Variants in CCDC51 observed in about 807,000 individuals in gnomAD.
CCDC51 encodes the protein coiled-coil domain containing 51.
CCDC51 carries 25 observed loss-of-function variants against 24.8 expected under a neutral mutation model. The observed-to-expected ratio is 1.01, with a 90% confidence interval of 0.73 to 1.41. The LOEUF (loss-of-function observed/expected upper bound fraction) is 1.41. Ranked by LOEUF, CCDC51 falls within the 40% of genes most tolerant of loss-of-function variation. The pLI is 0.00. For missense variants in CCDC51, 466 were observed against 519.1 expected (o/e 0.90, Z 0.99); for synonymous variants, 190 against 204.3 (o/e 0.93, Z 0.60).
chr3:48,444,577 T>C (rs1349058212), upstream of CCDC51, among the ~76,000 whole-genome samples: 1 of 152,216 alleles, frequency 6.6e-6, no homozygotes, highest in East Asian at 1.9e-4. Context: ...CTGACCAGAA[T>C]TTGTGCTTTT....
Position 48,433,214 on chromosome 3 carries a change from C to T in CCDC51, c.478-48G>A, listed in dbSNP as rs1170663988. On this transcript the variant is annotated intron_variant, in intron 3 of 3. Coordinates refer to ENST00000395694, the MANE Select transcript of CCDC51 (RefSeq NM_001256964.2). This position sits in a 1 kb window ranked among gnomAD's most constrained non-coding sequence, Gnocchi z 4.4. ...TTGGATTACATGGGCACAAGGTGGCCCTGCAGCTATAGCCACCAGCAGATG... is the reference window on the plus strand; with the variant it reads ...TTGGATTACATGGGCACAAGGTGGCTCTGCAGCTATAGCCACCAGCAGATG... 1.3e-6 allele frequency: 2 copies of T among 1,571,090 alleles called. No individual in the cohort carries two copies. Among genetic ancestry groups the T allele is most frequent in the Non-Finnish European group, 1.7e-6 (2 of 1,154,438 alleles).
upstream of CCDC51, chr3:48,440,475 AGGCACTGGCGGGTGCGGG>A (rs760096856): frequency 6.2e-7 from 1 of 1,610,808 alleles, no homozygotes. Flanking sequence ...GCGGGCGCGG[AGGCACTGGCGGGTGCGGG>A]GGCGCTGGGA....
At chr3:48,438,263 C>T (rs772207975) in intron 1 of CCDC51, 1 of 152,016 alleles carries the variant, frequency 6.6e-6, no homozygotes, top group Non-Finnish European at 1.5e-5. Flanking sequence ...AATAAAACCA[C>T]TGAATTGTAC....
rs200464374 is a variant in CCDC51, at chr3:48,434,842, C to A, written c.287G>T (p.Arg96Leu). The change falls in exon 2 of 4, where the codon CGA (arginine) becomes CTA (leucine). Residue 96 changes from arginine (R) to leucine (L), a missense_variant. By Grantham distance (102) the Arg-to-Leu change is moderately radical. Coordinates refer to ENST00000395694, the MANE Select transcript of CCDC51 (RefSeq NM_001256964.2). ...YEEFVGLNEV[R>L]EAQGKVTEAE... The stretch of plus-strand genomic sequence containing the variant: ...CTCTGTCACCTTTCCCTGGGCCTCT[C>A]GAACCTCGTTGAGTCCAACAAACTC... 5 of 1,607,582 alleles carry A rather than the reference C, an allele frequency of 3.1e-6. No individual in the cohort carries two copies. Among genetic ancestry groups the A allele is most frequent in the Middle Eastern group, 1.7e-4 (1 of 6,040 alleles).
chr3:48,439,626 C>G (rs577017021), intron 1 of CCDC51, among the ~76,000 whole-genome samples: 28 of 152,048 alleles, frequency 1.8e-4, no homozygotes, highest in African/African-American at 6.8e-4. Flanking sequence ...GAGCAAGACT[C>G]CATCTCGGGG....
chr3:48,443,640 T>C (rs547089732), upstream of CCDC51, among the ~76,000 whole-genome samples: 1 of 112,472 alleles, frequency 8.9e-6, no homozygotes, highest in South Asian at 2.8e-4. Context: ...TCTAGACCAG[T>C]GCACAGCCAG....
At chr3:48,436,187 C>A (rs746530571) in intron 1 of CCDC51, among the ~76,000 whole-genome samples, 2 of 152,138 alleles carry the variant, frequency 1.3e-5, no homozygotes, top group Admixed American at 6.5e-5. Context: ...GCTGTGAGAG[C>A]GACACCTGGT....
Position 48,433,993 on chromosome 3 carries a change from C to T in CCDC51, c.313-122G>A, listed in dbSNP as rs1197549426. 19 of 1,475,472 alleles carry T rather than the reference C, an allele frequency of 1.3e-5. No homozygotes were observed. The highest frequency in any genetic ancestry group is 1.6e-5 in the Non-Finnish European group (18 of 1,118,066). 91.4% of individuals were successfully genotyped at this position (1,475,472 alleles called of 1,614,324 possible). ...GGGTGTGAGCTGCAAAGGGTGGAAACGGAATTCCTTAGACACTAATCCTGG... is the reference window on the plus strand; with the variant it reads ...GGGTGTGAGCTGCAAAGGGTGGAAATGGAATTCCTTAGACACTAATCCTGG... On this transcript the variant is annotated intron_variant, in intron 2 of 3. Coordinates refer to ENST00000395694, the MANE Select transcript of CCDC51 (RefSeq NM_001256964.2). This position sits in a 1 kb window ranked among gnomAD's most constrained non-coding sequence, Gnocchi z 4.4.
the CCDC51 span, among the ~76,000 whole-genome samples, chr3:48,445,866 A>AC: frequency 2.0e-5 from 3 of 152,260 alleles, no homozygotes; most frequent in East Asian, 5.8e-4. Context: ...TCTGCACACC[A>AC]CAGCTGCCCA....
Position 48,432,931 on chromosome 3 carries a change from T to G in CCDC51, c.713A>C (p.Gln238Pro). 6.2e-7 allele frequency: 1 copy of G among 1,614,110 alleles called. No individual in the cohort carries two copies. The highest frequency in any genetic ancestry group is 8.5e-7 in the Non-Finnish European group (1 of 1,180,028). The change falls in exon 4 of 4, where the codon CAG becomes CCG. Residue 238 changes from glutamine (Q) to proline (P), a missense_variant. Transcript: ENST00000395694. ...CTCTTGGAGACTCACAGGCCCCTTC[T>G]GCGCCTCCAGGAGTAAAGCCTTCAG... ...QELKALLLEA[Q>P]KGPVSLQEAI...
rs2039257304 is a variant in CCDC51 at position 48,433,642 on chromosome 3, C to G, written c.477+65G>C. 6.4e-7 allele frequency: 1 copy of G among 1,551,982 alleles called. No individual in the cohort carries two copies. The highest frequency in any genetic ancestry group is 8.8e-7 in the Non-Finnish European group (1 of 1,141,640). ...ACCAGTCAGGGTTCCCACCCGGCCC[C>G]TCCATGATCTGCCAGGCTAGGGTCA... is the stretch of plus-strand genomic sequence containing the variant. On this transcript the variant is annotated intron_variant, in intron 3 of 3. Coordinates refer to ENST00000395694, the MANE Select transcript of CCDC51 (RefSeq NM_001256964.2). This position sits in a 1 kb window ranked among gnomAD's most constrained non-coding sequence, Gnocchi z 4.4.
chr3:48,443,293 A>AT (rs2039609140), upstream of CCDC51, among the ~76,000 whole-genome samples: 1 of 150,034 alleles, frequency 6.7e-6, no homozygotes, highest in South Asian at 2.1e-4. Flanking sequence ...CACACCTGTA[A>AT]TCCCATCATT....
upstream of CCDC51, chr3:48,440,319 G>C: frequency 6.2e-7 from 1 of 1,611,314 alleles, no homozygotes; most frequent in Non-Finnish European, 8.5e-7. Flanking sequence ...GAAGGTAAGT[G>C]TTCCGGAACC....
rs896586492 is a variant in CCDC51 at position 48,437,104 on chromosome 3, G to A, written c.-8-1968C>T. Among the ~76,000 whole-genome samples the A allele has an allele frequency of 5.3e-5, 8 of 152,124 alleles. No individual in the cohort carries two copies. Among genetic ancestry groups the A allele is most frequent in the South Asian group, 2.1e-4 (1 of 4,828 alleles). The stretch of plus-strand genomic sequence containing the variant: ...TCCAGCTGGATGACTCTTCCTCCAC[G>A]AGTCTACTCGGCTCACCCCGACATC... On this transcript the variant is annotated intron_variant, in intron 1 of 3. Transcript: ENST00000395694. The surrounding 1 kb of genome is among the most constrained non-coding windows in gnomAD (Gnocchi z 4.2).
intron 2 of CCDC51, chr3:48,434,088 G>T: frequency 9.1e-7 from 1 of 1,103,936 alleles, no homozygotes. Flanking sequence ...AGCCATTCAA[G>T]CAGAAATAAC....
chr3:48,440,952 G>T, upstream of CCDC51: 1 of 439,998 alleles, frequency 2.3e-6, no homozygotes, highest in Non-Finnish European at 4.1e-6. Context: ...GCAATCTTTT[G>T]CCCCAAATTC....
At chr3:48,440,441 G>A (rs1222306443), upstream of CCDC51, 4 of 1,612,492 alleles carry the variant, frequency 2.5e-6, no homozygotes, top group Admixed American at 3.3e-5. Flanking sequence ...CAAGAAGCAG[G>A]CCAAGGAGAT....
upstream of CCDC51, chr3:48,440,469 GC>G (rs2039530951): frequency 3.7e-6 from 6 of 1,611,812 alleles, no homozygotes; most frequent in East Asian, 1.3e-4. Flanking sequence ...GTGAGGGCGG[GC>G]GCGGAGGCAC....
chr3:48,433,250 T>C lies in CCDC51; in HGVS notation c.478-84A>G. 7.6e-7 allele frequency: 1 copy of C among 1,316,786 alleles called. No individual in the cohort carries two copies. Among genetic ancestry groups the C allele is most frequent in the Non-Finnish European group, 1.1e-6 (1 of 944,896 alleles). The allele number at this position is 1,316,786 out of a possible 1,614,324, so 81.6% of individuals were successfully genotyped here. ...AGCCACCAGCAGATGGCTCACTACCTTGTGCCTGGCAGAGTACATGTTCCA... is the reference window on the plus strand; with the variant it reads ...AGCCACCAGCAGATGGCTCACTACCCTGTGCCTGGCAGAGTACATGTTCCA... On this transcript the variant is annotated intron_variant, in intron 3 of 3. Transcript: ENST00000395694. The surrounding 1 kb of genome is among the most constrained non-coding windows in gnomAD (Gnocchi z 4.4).
Sources: allele counts gnomAD v4.1 joint callset (sites outside exome capture counted in the v4.1 genomes callset), GRCh38; gene constraint gnomAD v4.1.1; non-coding constraint Gnocchi (gnomAD v3.1); transcripts MANE v1.5; gene names NCBI Gene and HGNC (gene_info 2026-07-23, HGNC 2026-07-21).